HERC1: variants seen among roughly 807,000 people sequenced by gnomAD.
The protein encoded by HERC1 is HECT and RLD domain containing E3 ubiquitin protein ligase family member 1, also known as probable E3 ubiquitin-protein ligase HERC1.
Under a neutral mutation model 554.3 loss-of-function variants are expected in HERC1, and 160 were observed. The observed-to-expected ratio is 0.29, with a 90% CI of 0.25 to 0.33. HERC1 has a LOEUF of 0.33. Ranked by LOEUF, HERC1 falls within the 10% of genes least tolerant of loss-of-function variation. HERC1 has a pLI of 1.00. For synonymous variants in HERC1, 2,175 were observed against 2,131.7 expected, an observed-to-expected ratio of 1.02 and a Z score of -0.56; for missense variants, 4,919 against 5,918.5, an observed-to-expected ratio of 0.83 and a Z score of 5.54.
intron 2 of HERC1, among the ~76,000 whole-genome samples, chr15:63,766,746 C>T (rs534145868): frequency 1.3e-5 from 2 of 152,296 alleles, no homozygotes; most frequent in South Asian, 4.1e-4. Context: ...GGCACGATCT[C>T]GGCTCACTAT....
In HERC1 at chr15:63,610,500, G is replaced by A. The variant is rs899588717; in HGVS notation, c.14401-1234C>T. On this transcript the variant is annotated intron_variant, in intron 77 of 77. Coordinates refer to ENST00000443617, the MANE Select transcript of HERC1 (RefSeq NM_003922.4). ...CCAGGACAGATATAAGGCAAGGGTT[G>A]TTTCCAGAGCTGAGTAGAAATGAGC... Among the ~76,000 whole-genome samples the A allele has an allele frequency of 2.6e-5, 4 of 152,204 alleles. No homozygotes were observed. The East Asian group carries it at 7.7e-4, about 29-fold the overall frequency.
chr15:63,725,307 C>T lies in HERC1; in HGVS notation c.3553G>A (p.Asp1185Asn), dbSNP rs770271446. 1 of 1,613,664 alleles carries T rather than the reference C, an allele frequency of 6.2e-7. No homozygotes were observed. The change falls in exon 18 of 78, where the codon GAC (aspartate) becomes AAC (asparagine). Residue 1185 changes from aspartate (D) to asparagine (N), a missense_variant. Transcript: ENST00000443617. ...TPLFSDGVEMDTPQLDKCMSC... is the reference protein window; with the variant it reads ...TPLFSDGVEMNTPQLDKCMSC... ...AGCACATTACCCAATTGAGGAGTGT[C>T]CATTTCTACACCGTCACTGAACAGT... is the stretch of plus-strand genomic sequence containing the variant.
chr15:63,648,259 A>G (rs999948322), intron 54 of HERC1, 60 bp from the exon 55 acceptor site: 16 of 1,478,266 alleles, frequency 1.1e-5, no homozygotes, highest in Middle Eastern at 3.4e-4. Context: ...GTCTGACTTA[A>G]AAGACAGAGA....
rs536197405 is a variant in HERC1, at chr15:63,676,213, T to A, written c.7071-1096A>T. Among the ~76,000 whole-genome samples, 185 of 152,264 alleles carry A rather than the reference T, an allele frequency of 1.2e-3. 1 individual carries two copies. The highest frequency in any genetic ancestry group is 4.4e-3 in the African/African-American group (182 of 41,550). ...CACCAAGCCCAGCCTACTGTATGCA[T>A]CTTAACCAGGCATCATAAATCCTTT... On this transcript the variant is annotated intron_variant, in intron 37 of 77. Transcript: ENST00000443617.
intron 57 of HERC1, 142 bp from the exon 58 acceptor site, chr15:63,643,692 G>A (rs948677500): frequency 3.7e-6 from 2 of 534,906 alleles, no homozygotes; most frequent in Non-Finnish European, 6.5e-6. Flanking sequence ...AGGATAGTAA[G>A]CTTGACTGAA....
At chr15:63,757,262 C>CTTTTTTTTTTTTTT (rs56196711) in intron 4 of HERC1, among the ~76,000 whole-genome samples, 1 of 107,880 alleles carries the variant, frequency 9.3e-6, no homozygotes, top group African/African-American at 3.5e-5. Flanking sequence ...TTTTTATTTA[C>CTTTTTTTTTTTTTT]TTTTTTTTTT....
intron 19 of HERC1, among the ~76,000 whole-genome samples, chr15:63,719,881 T>G (rs2073734992): frequency 6.6e-6 from 1 of 152,082 alleles, no homozygotes; most frequent in African/African-American, 2.4e-5. Flanking sequence ...GAGTCTAGTT[T>G]TGAATACTCT....
chr15:63,623,615 T>C (rs757889726), intron 73 of HERC1, 110 bp downstream of exon 73: 37 of 1,052,412 alleles, frequency 3.5e-5, no homozygotes, highest in Non-Finnish European at 5.2e-5. Flanking sequence ...GGCTCACAAA[T>C]GCATCCTTGC....
rs188414183 is a variant in HERC1, at chr15:63,787,857, G to A, written c.-26-12208C>T. Among the ~76,000 whole-genome samples the A allele has an allele frequency of 1.8e-3, 273 of 151,046 alleles. 3 individuals carry two copies. Among genetic ancestry groups the A allele is most frequent in the Non-Finnish European group, 2.8e-3 (189 of 67,776 alleles). ...GTGTATGCCTGTGGTCCCAGCTGGG[G>A]AGGCATACTGGGGAGGCCGCCTGAG... On this transcript the variant is annotated intron_variant, in intron 1 of 77. Transcript: ENST00000443617.
intron 2 of HERC1, among the ~76,000 whole-genome samples, chr15:63,769,428 A>G (rs1302635061): frequency 6.6e-6 from 1 of 151,952 alleles, no homozygotes; most frequent in African/African-American, 2.4e-5. Context: ...TCCAAAAAAA[A>G]CAGGGCTAAA....
intron 51 of HERC1, 46 bp downstream of exon 51, chr15:63,654,073 C>G (rs769281305): frequency 6.9e-7 from 1 of 1,454,958 alleles, no homozygotes; most frequent in South Asian, 1.1e-5. Flanking sequence ...GAGACTATTT[C>G]ATCTTACATA....
intron 57 of HERC1, 126 bp from the exon 58 acceptor site, chr15:63,643,676 T>TCCC: frequency 1.6e-6 from 1 of 608,948 alleles, no homozygotes; most frequent in Non-Finnish European, 2.8e-6. Context: ...ATAATTTCTC[T>TCCC]CATAAAGGAT....
chr15:63,758,419 G>T lies in HERC1; in HGVS notation c.1027-50C>A. On this transcript the variant is annotated intron_variant, in intron 3 of 77. Coordinates refer to ENST00000443617, the MANE Select transcript of HERC1 (RefSeq NM_003922.4). This position sits in a 1 kb window ranked among gnomAD's most constrained non-coding sequence, Gnocchi z 4.0. ...CAAATAGTCAAGACAGTTTTAGTCT[G>T]GGCATTTTTTATACATATCCTCTGA... 1 of 1,380,628 alleles carries T rather than the reference G, an allele frequency of 7.2e-7. No homozygotes were observed. Among genetic ancestry groups the T allele is most frequent in the South Asian group, 1.4e-5 (1 of 71,252 alleles). 85.5% of individuals were successfully genotyped at this position (1,380,628 alleles called of 1,614,324 possible). A position where few individuals can be genotyped will look rare whatever the true frequency, so the allele number is the denominator to read the frequency against.
chr15:63,698,988 G>A lies in HERC1; in HGVS notation c.4645C>T (p.His1549Tyr). 1 of 1,610,256 alleles carries A rather than the reference G, an allele frequency of 6.2e-7. No individual in the cohort carries two copies. Among genetic ancestry groups the A allele is most frequent in the Non-Finnish European group, 8.5e-7 (1 of 1,176,948 alleles). ...AASHRKRGPM[H>Y]SQLESLSDSW... is the part of the protein sequence containing the mutation. ...TCACTCAGGGATTCCAATTGACTGT[G>A]CATAGGACCTATATACAAACAGAAT... is the stretch of plus-strand genomic sequence containing the variant. The change falls in exon 26 of 78, where the codon CAC becomes TAC. Residue 1549 changes from histidine to tyrosine, a missense_variant. Physicochemically the swap from His to Tyr is moderately conservative, Grantham distance 83. This residue lies in a region of HERC1 where 1,121 missense variants were observed against 1,244.0 expected (regional missense o/e 0.90). Transcript: ENST00000443617.
Position 63,749,258 on chromosome 15 carries a change from G to T in HERC1, c.2219+109C>A. On this transcript the variant is annotated intron_variant, in intron 10 of 77. Coordinates refer to ENST00000443617, the MANE Select transcript of HERC1 (RefSeq NM_003922.4). This position sits in a 1 kb window ranked among gnomAD's most constrained non-coding sequence, Gnocchi z 4.1. Reference sequence around the variant, plus strand: ...AAAGCAATACTATATATGTTCAGAAGAGTATTTTATGAACAAAGCACAATT... The same window carrying T: ...AAAGCAATACTATATATGTTCAGAATAGTATTTTATGAACAAAGCACAATT... The T allele has an allele frequency of 1.2e-6, 1 of 821,568 alleles. No individual in the cohort carries two copies. The highest frequency in any genetic ancestry group is 1.9e-6 in the Non-Finnish European group (1 of 519,546). The allele number at this position is 821,568 out of a possible 1,614,324, so 50.9% of individuals were successfully genotyped here.
chr15:63,716,401 C>A lies in HERC1; in HGVS notation c.4051G>T (p.Ala1351Ser). Reference protein sequence around the residue: ...HSFTRTIDEEAEMEEQAERDR... With the variant: ...HSFTRTIDEESEMEEQAERDR... ...CTCTCAGCCTGTTCTTCCATTTCAG[C>A]TTCTTCATCAATAGTTCGAGTAAAT... The change falls in exon 22 of 78, where the codon GCT (alanine) becomes TCT (serine). Residue 1351 changes from alanine to serine, a missense_variant. Ala to Ser is a moderately conservative substitution (Grantham distance 99, BLOSUM62 1). This residue lies in a region of HERC1 where 1,121 missense variants were observed against 1,244.0 expected (regional missense o/e 0.90). Transcript: ENST00000443617. 6.2e-7 allele frequency: 1 copy of A among 1,613,848 alleles called. No individual in the cohort carries two copies. The highest frequency in any genetic ancestry group is 8.5e-7 in the Non-Finnish European group (1 of 1,179,808).
chr15:63,633,303 T>G (rs2068641692), intron 67 of HERC1, among the ~76,000 whole-genome samples: 1 of 152,354 alleles, frequency 6.6e-6, no homozygotes, highest in Middle Eastern at 3.4e-3. Flanking sequence ...TAAATCACAC[T>G]GCTTGTGAAA....
chr15:63,611,256 T>C lies in HERC1; in HGVS notation c.14400+995A>G, dbSNP rs2067576234. ...AGAAAGTGGGGCAGAGGCCAGACTG[T>C]GGAAGTGTTTAAGGCAGCTAAGGTC... is the stretch of plus-strand genomic sequence containing the variant. On this transcript the variant is annotated intron_variant, in intron 77 of 77. Transcript: ENST00000443617. 2.0e-5 allele frequency among the ~76,000 whole-genome samples: 3 copies of C among 152,106 alleles called. No individual in the cohort carries two copies. In the South Asian group the frequency reaches 6.2e-4, roughly 31 times the overall value.
chr15:63,802,620 C>T (rs2144846586), intron 1 of HERC1, among the ~76,000 whole-genome samples: 1 of 152,130 alleles, frequency 6.6e-6, no homozygotes, highest in Admixed American at 6.5e-5. Context: ...ACTCCTGGTA[C>T]AATGCACAAA....
Sources: gnomAD v4.1 joint callset for allele counts (sites outside exome capture counted in the v4.1 genomes callset) on GRCh38, gnomAD v4.1.1 for gene constraint, gnomAD v4.1.1 regional missense constraint, Gnocchi (gnomAD v3.1) non-coding constraint, MANE v1.5 for transcripts, NCBI Gene and HGNC (gene_info 2026-07-23, HGNC 2026-07-21) for gene names.